The following SPAG17 variants were observed in gnomAD, a reference collection of about 807,000 sequenced individuals.
SPAG17 encodes sperm-associated antigen 17.
SPAG17 carries 169 observed loss-of-function variants against 273.6 expected under a neutral mutation model. The observed-to-expected ratio is 0.62, with a 90% confidence interval of 0.55 to 0.70. The LOEUF (loss-of-function observed/expected upper bound fraction) is 0.70. Ranked by LOEUF, SPAG17 falls within the 30% of genes least tolerant of loss-of-function variation. SPAG17 has a pLI of 0.00. For missense variants in SPAG17, 2,557 were observed against 2,627.8 expected (o/e 0.97, Z 0.59); for synonymous variants, 825 against 873.2 (o/e 0.94, Z 0.97).
At chr1:118,108,915 T>C (rs1377629693) in intron 4 of SPAG17, among the ~76,000 whole-genome samples, 1 of 152,150 alleles carries the variant, frequency 6.6e-6, no homozygotes, top group East Asian at 1.9e-4. Context: ...AATCTTAAGT[T>C]ATTCTCACTT....
At chr1:118,085,788 CA>C in intron 13 of SPAG17, 133 bp downstream of exon 13, 2 of 794,074 alleles carry the variant, frequency 2.5e-6, no homozygotes, top group Non-Finnish European at 3.8e-6. Flanking sequence ...TGTAGTCAAT[CA>C]AAATACCCAC....
intron 25 of SPAG17, among the ~76,000 whole-genome samples, chr1:118,030,858 T>G (rs1234136704): frequency 6.6e-6 from 1 of 152,214 alleles, no homozygotes; most frequent in East Asian, 1.9e-4. Context: ...GCATTTGAGT[T>G]GGTTCCAAGT....
At position 118,097,691 on chromosome 1, in the gene SPAG17, G is replaced by C; in HGVS notation, c.990C>G (p.Asp330Glu). 6.2e-7 allele frequency: 1 copy of C among 1,603,738 alleles called. No individual in the cohort carries two copies. The highest frequency in any genetic ancestry group is 8.5e-7 in the Non-Finnish European group (1 of 1,176,560). ...YMVKAADFPS[D>E]WSDGEMMLKL... ...TAACCATCATCTCACCATCTGACCA[G>C]TCAGAAGGAAAATCAGCTGCTTTGA... The change falls in exon 7 of 49, where the codon GAC becomes GAG. Residue 330 changes from aspartate (D) to glutamate (E), a missense_variant. By Grantham distance (45) the Asp-to-Glu change is conservative. Coordinates refer to ENST00000336338, the MANE Select transcript of SPAG17 (RefSeq NM_206996.4).
chr1:118,155,565 C>G (rs974660431), intron 1 of SPAG17, among the ~76,000 whole-genome samples: 1 of 152,054 alleles, frequency 6.6e-6, no homozygotes, highest in Non-Finnish European at 1.5e-5. Flanking sequence ...CTGAAGGACT[C>G]GAGATGAGAG....
At chr1:117,994,268 A>G in intron 35 of SPAG17, 138 bp downstream of exon 35, 1 of 861,488 alleles carries the variant, frequency 1.2e-6, no homozygotes, top group Non-Finnish European at 1.7e-6. Flanking sequence ...CTTCAAATAT[A>G]AAACTCCTTG....
At chr1:118,085,139 T>G (rs899676027) in intron 13 of SPAG17, among the ~76,000 whole-genome samples, 1 of 152,190 alleles carries the variant, frequency 6.6e-6, no homozygotes, top group Non-Finnish European at 1.5e-5. Context: ...AGTGCTCACA[T>G]TAGTTTTACC....
At chr1:118,132,378 C>A (rs1386537180) in intron 3 of SPAG17, among the ~76,000 whole-genome samples, 1 of 152,090 alleles carries the variant, frequency 6.6e-6, no homozygotes, top group Non-Finnish European at 1.5e-5. Flanking sequence ...GCTGTGGGTG[C>A]CGGGTTGGGC....
intron 24 of SPAG17, among the ~76,000 whole-genome samples, chr1:118,033,778 A>C (rs561838423): frequency 3.9e-5 from 6 of 152,350 alleles, no homozygotes; most frequent in Non-Finnish European, 8.8e-5. Flanking sequence ...TGTGTTTATT[A>C]ACATGGTTCT....
Position 118,175,555 on chromosome 1 carries a change from G to A in SPAG17, c.87+9516C>T, listed in dbSNP as rs187245803. 2.2e-3 allele frequency among the ~76,000 whole-genome samples: 332 copies of A among 150,136 alleles called. 5 individuals are homozygous for A. Among genetic ancestry groups the A allele is most frequent in the African/African-American group, 7.8e-3 (317 of 40,740 alleles). On this transcript the variant is annotated intron_variant, in intron 1 of 48. Transcript: ENST00000336338. ...GAACTATATAGGCCAGGAGGGATTC[G>A]GGTGACATTTTCAAAGTACAAAAAA...
At chr1:118,173,125 C>T (rs896716309) in intron 1 of SPAG17, among the ~76,000 whole-genome samples, 1 of 151,266 alleles carries the variant, frequency 6.6e-6, no homozygotes, top group Non-Finnish European at 1.5e-5. Flanking sequence ...CCTCTTTGCC[C>T]ACCATTAAAA....
chr1:118,160,711 T>A (rs891582248), intron 1 of SPAG17, among the ~76,000 whole-genome samples: 1 of 152,202 alleles, frequency 6.6e-6, no homozygotes, highest in African/African-American at 2.4e-5. Context: ...GTCCAAGCAA[T>A]GGGAATATTT....
At chr1:118,062,365 T>TAAAAAAAAA (rs1652415746) in intron 18 of SPAG17, among the ~76,000 whole-genome samples, 1 of 16,540 alleles carries the variant, frequency 6.0e-5, no homozygotes, top group Non-Finnish European at 1.1e-4. Context: ...AGACTCCATC[T>TAAAAAAAAA]CAAAAAAAAA....
In SPAG17 at chr1:118,132,113, G is replaced by A. The variant is rs189884819; in HGVS notation, c.316-16672C>T. Among the ~76,000 whole-genome samples the A allele has an allele frequency of 2.7e-3, 408 of 152,356 alleles. 8 individuals carry two copies. Among genetic ancestry groups the A allele is most frequent in the Admixed American group, 0.024 (373 of 15,306 alleles). On this transcript the variant is annotated intron_variant, in intron 3 of 48. Coordinates refer to ENST00000336338, the MANE Select transcript of SPAG17 (RefSeq NM_206996.4). ...CCCAGCAGTGGAGGTAAGCGAGGGT[G>A]CTGTGGTGGCCCCAGAGGGTGCCTT... is the stretch of plus-strand genomic sequence containing the variant.
Position 118,123,465 on chromosome 1 carries a change from T to C in SPAG17, c.316-8024A>G, listed in dbSNP as rs548263963. On this transcript the variant is annotated intron_variant, in intron 3 of 48. Coordinates refer to ENST00000336338, the MANE Select transcript of SPAG17 (RefSeq NM_206996.4). ...GAAAAGAAAATAAGCAATATTAAAC[T>C]GTCTATACATAAATTTAAAGGTGAC... Among the ~76,000 whole-genome samples the C allele has an allele frequency of 2.0e-5, 3 of 152,314 alleles. No homozygotes were observed. In the East Asian group the frequency reaches 5.8e-4, roughly 29 times the overall value.
At chr1:117,969,054 G>T (rs1654240991) in intron 46 of SPAG17, among the ~76,000 whole-genome samples, 2 of 152,158 alleles carry the variant, frequency 1.3e-5, no homozygotes, top group Non-Finnish European at 2.9e-5. Flanking sequence ...AAAGCAGTCA[G>T]ATGATGCACT....
intron 33 of SPAG17, 34 bp from the exon 34 acceptor site, chr1:117,996,534 G>A (rs1208405839): frequency 6.2e-7 from 1 of 1,605,650 alleles, no homozygotes. Context: ...ATCACTTCAA[G>A]TATTCCGTTA....
At chr1:118,040,275 A>G (rs1649579958) in intron 22 of SPAG17, among the ~76,000 whole-genome samples, 1 of 152,186 alleles carries the variant, frequency 6.6e-6, no homozygotes, top group Non-Finnish European at 1.5e-5. Flanking sequence ...TACGCATTGT[A>G]TGCATATGCA....
Position 118,023,294 on chromosome 1 carries a change from C to T in SPAG17, c.4069+10G>A. On this transcript the variant is annotated intron_variant, in intron 28 of 48. Coordinates refer to ENST00000336338, the MANE Select transcript of SPAG17 (RefSeq NM_206996.4). ...AAATCCATAATAAACTGAGAGGCTT[C>T]AATTGTTACCTTTCTTTGTGTTGGT... is the stretch of plus-strand genomic sequence containing the variant. The T allele has an allele frequency of 6.2e-7, 1 of 1,604,790 alleles. No individual in the cohort carries two copies. The highest frequency in any genetic ancestry group is 8.5e-7 in the Non-Finnish European group (1 of 1,174,956).
intron 1 of SPAG17, 50 bp downstream of exon 1, chr1:118,185,021 G>A: frequency 2.6e-6 from 4 of 1,518,338 alleles, no homozygotes; most frequent in Non-Finnish European, 1.8e-6. Context: ...GTCTGGCCGG[G>A]CCTCTGGCAT....
Sources: gnomAD v4.1 joint callset for allele counts (sites outside exome capture counted in the v4.1 genomes callset) on GRCh38, gnomAD v4.1.1 for gene constraint, MANE v1.5 for transcripts, NCBI Gene and HGNC (gene_info 2026-07-23, HGNC 2026-07-21) for gene names.